The following TAMM41 variants were observed in gnomAD, a reference collection of about 807,000 sequenced individuals.
TAMM41 encodes the protein TAM41 mitochondrial translocator assembly and maintenance homolog, also known as phosphatidate cytidylyltransferase, mitochondrial.
In TAMM41, 36 loss-of-function variants were observed where a neutral mutation model predicts 44.1. The ratio of observed to expected loss-of-function variants is 0.82; its 90% CI spans 0.63 to 1.08. TAMM41 has a LOEUF of 1.08. TAMM41 is among the 50% of genes least tolerant of loss of function. The pLI, the probability that TAMM41 is intolerant of heterozygous loss-of-function variation, is 0.00. For missense variants in TAMM41, 417 were observed against 404.3 expected (o/e 1.03, Z -0.27); for synonymous variants, 164 against 153.1 (o/e 1.07, Z -0.53).
chr3:11,722,619 A>G, the TAMM41 span, among the ~76,000 whole-genome samples: 1 of 152,196 alleles, frequency 6.6e-6, no homozygotes, highest in Non-Finnish European at 1.5e-5. Flanking sequence ...AAAATGATAT[A>G]AAAAATAAGT....
intron 7 of TAMM41, among the ~76,000 whole-genome samples, chr3:11,799,201 A>C (rs1397186928): frequency 2.0e-5 from 3 of 152,186 alleles, no homozygotes; most frequent in African/African-American, 7.2e-5. Flanking sequence ...AAAACAAAAA[A>C]ACAAACGTAA....
chr3:11,841,609 T>C (rs868632867), intron 2 of TAMM41, among the ~76,000 whole-genome samples: 72 of 152,332 alleles, frequency 4.7e-4, no homozygotes, highest in African/African-American at 1.6e-3. Context: ...ACTTATAATA[T>C]TCTTTGAAAA....
At position 11,792,058 on chromosome 3, in the gene TAMM41, A is replaced by G. The variant is rs139368524; in HGVS notation, c.938-1477T>C. On this transcript the variant is annotated intron_variant, in intron 7 of 7. Transcript: ENST00000455809. ...TAGCAACCCCAGGGCACTGAGTCAC[A>G]GCTAGAGGAGGATGCATGGGCCATG... Among the ~76,000 whole-genome samples the G allele has an allele frequency of 3.2e-3, 487 of 152,344 alleles. 4 individuals are homozygous for G. Among genetic ancestry groups the G allele is most frequent in the African/African-American group, 0.011 (460 of 41,586 alleles).
At chr3:11,821,480 G>A (rs1179440109) in intron 4 of TAMM41, among the ~76,000 whole-genome samples, 1 of 152,180 alleles carries the variant, frequency 6.6e-6, no homozygotes, top group East Asian at 1.9e-4. Flanking sequence ...GACAGGAGGC[G>A]GAGCTCAGGC....
At chr3:11,775,531 T>C in the TAMM41 span, among the ~76,000 whole-genome samples, 1 of 152,108 alleles carries the variant, frequency 6.6e-6, no homozygotes, top group African/African-American at 2.4e-5. Context: ...GTGCTGAGTT[T>C]AAATAAAGTC....
chr3:11,807,042 G>T (rs2077930227), intron 7 of TAMM41: 1 of 398,674 alleles, frequency 2.5e-6, no homozygotes, highest in Non-Finnish European at 3.4e-6. Flanking sequence ...GTCTCCAAAT[G>T]TGCCTTCCAT....
At chr3:11,783,851 G>A in the TAMM41 span, among the ~76,000 whole-genome samples, 1 of 152,134 alleles carries the variant, frequency 6.6e-6, no homozygotes, top group Non-Finnish European at 1.5e-5. Flanking sequence ...GTGACTTTAG[G>A]CAAGGTACTT....
intron 1 of TAMM41, chr3:11,845,068 C>T (rs892051539): frequency 2.2e-6 from 1 of 447,458 alleles, no homozygotes; most frequent in East Asian, 7.0e-5. Flanking sequence ...TGGGAGCCAG[C>T]ATGTTCTGGA....
chr3:11,842,286 C>T (rs1473063293), intron 2 of TAMM41, among the ~76,000 whole-genome samples: 1 of 151,252 alleles, frequency 6.6e-6, no homozygotes, highest in Non-Finnish European at 1.5e-5. Context: ...CCCAGCTACT[C>T]GGGAGGCTGA....
the TAMM41 span, among the ~76,000 whole-genome samples, chr3:11,763,994 T>C: frequency 2.4e-3 from 366 of 152,304 alleles, 2 homozygotes; most frequent in African/African-American, 8.5e-3. Context: ...CTCTGTCTTT[T>C]TGTTTTGTTA....
At chr3:11,727,840 G>T in the TAMM41 span, among the ~76,000 whole-genome samples, 1 of 147,610 alleles carries the variant, frequency 6.8e-6, no homozygotes, top group African/African-American at 2.5e-5. Flanking sequence ...AGGCTGGAGT[G>T]CAATGGCGCG....
chr3:11,732,273 TC>T, the TAMM41 span, among the ~76,000 whole-genome samples: 1 of 151,986 alleles, frequency 6.6e-6, no homozygotes, highest in African/African-American at 2.4e-5. Context: ...CCTTCCTCCC[TC>T]CCTCCCTGCC....
At position 11,823,829 on chromosome 3, in the gene TAMM41, C is replaced by CTT. The variant is rs35092715; in HGVS notation, c.562+5883_562+5884dup. Among the ~76,000 whole-genome samples, 389 of 117,878 alleles carry CTT rather than the reference C, an allele frequency of 3.3e-3. 12 individuals are homozygous for CTT. The highest frequency in any genetic ancestry group is 0.015 in the South Asian group (50 of 3,392). The allele number at this position is 117,878 out of a possible 152,430, so 77.3% of individuals were successfully genotyped here. A position where few individuals can be genotyped will look rare whatever the true frequency, so the allele number is the denominator to read the frequency against. On this transcript the variant is annotated intron_variant, in intron 4 of 7. Coordinates refer to ENST00000455809, the MANE Select transcript of TAMM41 (RefSeq NM_001284401.2). ...GTCAGGTGTGTACCACCATGCCCGG[C>CTT]TTTTTTTTTTTTTTTGAGACAGAGT...
intron 7 of TAMM41, among the ~76,000 whole-genome samples, chr3:11,793,083 A>AAAAG (rs1553566249): frequency 7.5e-6 from 1 of 132,660 alleles, no homozygotes; most frequent in African/African-American, 2.7e-5. Context: ...AAAAAAAAAA[A>AAAAG]AGAGAGTGAA....
chr3:11,809,516 C>A lies in TAMM41; in HGVS notation c.874+1G>T, dbSNP rs1205353202. The A allele has an allele frequency of 3.7e-6, 6 of 1,613,336 alleles. No individual in the cohort carries two copies. The highest frequency in any genetic ancestry group is 5.1e-6 in the Non-Finnish European group (6 of 1,179,928). On this transcript the variant is annotated splice_donor_variant, in intron 6 of 7. Transcript: ENST00000455809. LOFTEE classifies it high-confidence loss of function. ...CCTCAACATCAAATTCATAAACGTA[C>A]CTAGTCGCACCACATCTCCACAGTC...
chr3:11,785,684 C>T (rs1294280874), downstream of TAMM41, among the ~76,000 whole-genome samples: 3 of 151,582 alleles, frequency 2.0e-5, no homozygotes, highest in Non-Finnish European at 4.4e-5. Flanking sequence ...CCACGATCTC[C>T]GCTCACTGCA....
chr3:11,803,151 A>C (rs752687913), intron 7 of TAMM41, among the ~76,000 whole-genome samples: 12 of 152,194 alleles, frequency 7.9e-5, no homozygotes, highest in Non-Finnish European at 1.5e-4. Flanking sequence ...GCATGCCTGT[A>C]GTCCCAGCTA....
the TAMM41 span, among the ~76,000 whole-genome samples, chr3:11,752,245 G>C: frequency 6.6e-6 from 1 of 152,146 alleles, no homozygotes; most frequent in African/African-American, 2.4e-5. Flanking sequence ...TCGGCGGTGA[G>C]TGTTACAGCT....
the TAMM41 span, among the ~76,000 whole-genome samples, chr3:11,775,939 C>G: frequency 6.6e-6 from 1 of 151,980 alleles, no homozygotes; most frequent in Non-Finnish European, 1.5e-5. Context: ...CTACACTTGT[C>G]TTCCAGCTGT....
Sources: allele counts gnomAD v4.1 joint callset (sites outside exome capture counted in the v4.1 genomes callset), GRCh38; gene constraint gnomAD v4.1.1; transcripts MANE v1.5; gene names NCBI Gene and HGNC (gene_info 2026-07-23, HGNC 2026-07-21).